Variants in POC1B observed in about 807,000 individuals in gnomAD.
POC1B encodes POC1 centriolar protein homolog B.
Under a neutral mutation model 60.6 loss-of-function variants are expected in POC1B, and 44 were observed. That is an observed-to-expected ratio of 0.73 (90% CI 0.57 to 0.93). The LOEUF (loss-of-function observed/expected upper bound fraction) is 0.93, where lower values mean the gene tolerates loss of function less well. POC1B is among the 40% of genes least tolerant of loss of function. POC1B has a pLI of 0.00. For synonymous variants in POC1B, 180 were observed against 198.9 expected, an observed-to-expected ratio of 0.90 and a Z score of 0.80; for missense variants, 555 against 572.3, an observed-to-expected ratio of 0.97 and a Z score of 0.31.
intron 2 of POC1B, among the ~76,000 whole-genome samples, chr12:89,498,478 A>C (rs1218981580): frequency 6.6e-6 from 1 of 152,216 alleles, no homozygotes; most frequent in East Asian, 1.9e-4. Context: ...AATGTTATAA[A>C]TTCGAACACA....
At chr12:89,471,916 T>C (rs376901705) in intron 5 of POC1B, among the ~76,000 whole-genome samples, 187 bp from the exon 6 acceptor site, 1 of 151,946 alleles carries the variant, frequency 6.6e-6, no homozygotes, top group African/African-American at 2.4e-5. Flanking sequence ...TACAGGCACA[T>C]ATCACCATGC....
intron 2 of POC1B, among the ~76,000 whole-genome samples, chr12:89,512,292 A>G (rs1870228015): frequency 6.6e-6 from 1 of 152,238 alleles, no homozygotes; most frequent in Non-Finnish European, 1.5e-5. Flanking sequence ...GCTTGCTAGT[A>G]TAAGCTGGGT....
At chr12:89,427,631 T>A (rs890580562) in intron 10 of POC1B, 1 of 151,970 alleles carries the variant, frequency 6.6e-6, no homozygotes, top group Non-Finnish European at 1.5e-5. Flanking sequence ...AGCCCAAGAG[T>A]TTGAGGCTGC....
At chr12:89,512,878 C>T (rs1194999866) in intron 2 of POC1B, among the ~76,000 whole-genome samples, 5 of 152,164 alleles carry the variant, frequency 3.3e-5, no homozygotes, top group African/African-American at 1.2e-4. Context: ...GAAAAGAGCT[C>T]AATTTTTAAC....
intron 10 of POC1B, among the ~76,000 whole-genome samples, chr12:89,440,392 A>C (rs1321921974): frequency 6.6e-6 from 1 of 152,256 alleles, no homozygotes; most frequent in Non-Finnish European, 1.5e-5. Context: ...GGTACATAAA[A>C]GTCTGAGGAA....
chr12:89,464,501 T>TC (rs1270367431), intron 9 of POC1B, among the ~76,000 whole-genome samples: 2 of 146,712 alleles, frequency 1.4e-5, no homozygotes, highest in Admixed American at 6.8e-5. Flanking sequence ...TTTTTTTTTT[T>TC]TTTTGAGACG....
At chr12:89,441,062 G>C (rs943873097) in intron 10 of POC1B, among the ~76,000 whole-genome samples, 23 of 152,356 alleles carry the variant, frequency 1.5e-4, no homozygotes, top group African/African-American at 5.5e-4. Flanking sequence ...CAGCAAGGCT[G>C]GGGGAGGGGC....
intron 10 of POC1B, among the ~76,000 whole-genome samples, chr12:89,456,689 C>T (rs570080561): frequency 6.6e-6 from 1 of 151,734 alleles, no homozygotes; most frequent in East Asian, 1.9e-4. Flanking sequence ...AGATTAGTAA[C>T]AGCTTATTTT....
At chr12:89,524,224 C>G in intron 2 of POC1B, 2 of 1,613,960 alleles carry the variant, frequency 1.2e-6, no homozygotes, top group South Asian at 1.1e-5. Context: ...CAGGGAAATC[C>G]TGTCACTGAG....
chr12:89,525,732 T>TA, intron 1 of POC1B, 149 bp downstream of exon 1: 1 of 1,282,766 alleles, frequency 7.8e-7, no homozygotes, highest in Non-Finnish European at 1.0e-6. Flanking sequence ...GAGAGTGAGA[T>TA]ACGGACGCCC....
chr12:89,440,078 T>A (rs1881448879), intron 10 of POC1B, among the ~76,000 whole-genome samples: 1 of 152,212 alleles, frequency 6.6e-6, no homozygotes, highest in Admixed American at 6.5e-5. Context: ...TCCTACCTAG[T>A]GTCCGACACG....
chr12:89,512,466 G>A (rs990935899), intron 2 of POC1B, among the ~76,000 whole-genome samples: 1 of 152,156 alleles, frequency 6.6e-6, no homozygotes, highest in Non-Finnish European at 1.5e-5. Flanking sequence ...TCAATACTGC[G>A]TAAGTATCAA....
chr12:89,484,697 C>T (rs954070760), intron 4 of POC1B, among the ~76,000 whole-genome samples: 1 of 152,220 alleles, frequency 6.6e-6, no homozygotes, highest in African/African-American at 2.4e-5. Context: ...AGGCTCTTAA[C>T]TACTCTGTGC....
chr12:89,407,583 C>T, the POC1B span, among the ~76,000 whole-genome samples: 1 of 152,110 alleles, frequency 6.6e-6, no homozygotes, highest in Non-Finnish European at 1.5e-5. Context: ...AATTTGAAAA[C>T]CAAAACAAAT....
At chr12:89,523,577 C>T in intron 2 of POC1B, 1 of 1,583,696 alleles carries the variant, frequency 6.3e-7, no homozygotes, top group African/African-American at 1.4e-5. Flanking sequence ...TCATACGTTC[C>T]AAGGTACTGA....
At chr12:89,429,330 A>G (rs910339837) in intron 10 of POC1B, 7 of 152,232 alleles carry the variant, frequency 4.6e-5, no homozygotes, top group African/African-American at 1.7e-4. Flanking sequence ...ATTAGCAGAT[A>G]GCTTTCTACC....
intron 2 of POC1B, chr12:89,523,016 A>G (rs1462051251): frequency 6.2e-7 from 1 of 1,613,870 alleles, no homozygotes; most frequent in Admixed American, 1.7e-5. Context: ...ATTCCCACAT[A>G]ATTTTTTTGC....
In POC1B at chr12:89,525,961, G is replaced by A. The variant is rs762562948; in HGVS notation, c.-66C>T. ...CCCGGAGAGGGGAGGGGAGAGGATG[G>A]GGAAGGAGAGGGGACCGTGCGGCTC... On this transcript the variant is annotated 5_prime_UTR_variant, in exon 1 of 12. Coordinates refer to ENST00000313546, the MANE Select transcript of POC1B (RefSeq NM_172240.3). 91 of 1,544,244 alleles carry A rather than the reference G, an allele frequency of 5.9e-5. No individual in the cohort carries two copies. Among genetic ancestry groups the A allele is most frequent in the Non-Finnish European group, 7.6e-5 (87 of 1,144,270 alleles).
At chr12:89,511,268 C>CA (rs1202413570) in intron 2 of POC1B, among the ~76,000 whole-genome samples, 1 of 151,554 alleles carries the variant, frequency 6.6e-6, no homozygotes, top group African/African-American at 2.4e-5. Flanking sequence ...ACTAAAAATG[C>CA]AAAAAAGTTA....
Sources: allele counts gnomAD v4.1 joint callset (sites outside exome capture counted in the v4.1 genomes callset), GRCh38; gene constraint gnomAD v4.1.1; transcripts MANE v1.5; gene names NCBI Gene and HGNC (gene_info 2026-07-23, HGNC 2026-07-21).